FAM184B: variants seen among roughly 807,000 people sequenced by gnomAD.
FAM184B encodes family with sequence similarity 184 member B.
Under a neutral mutation model 135.9 loss-of-function variants are expected in FAM184B, and 111 were observed. The ratio of observed to expected loss-of-function variants is 0.82; its 90% CI spans 0.70 to 0.96. The LOEUF is 0.96. Ranked by LOEUF, FAM184B falls within the 40% of genes least tolerant of loss-of-function variation. The pLI is 0.00. For synonymous variants in FAM184B, 552 were observed against 524.8 expected (o/e 1.05, Z -0.71); for missense variants, 1,375 against 1,323.9 (o/e 1.04, Z -0.60).
chr4:17,690,818 G>C (rs570625381), intron 6 of FAM184B, among the ~76,000 whole-genome samples: 9 of 152,204 alleles, frequency 5.9e-5, no homozygotes, highest in Non-Finnish European at 1.0e-4. Context: ...GGACAGAAAG[G>C]CTTAAGGCGT....
intron 7 of FAM184B, among the ~76,000 whole-genome samples, chr4:17,675,199 C>T (rs181725702): frequency 7.0e-4 from 107 of 152,254 alleles, no homozygotes; most frequent in Non-Finnish European, 1.3e-3. Flanking sequence ...AATAATAAGA[C>T]TTCAAAGGAG....
At chr4:17,662,346 T>C (rs1445482543) in intron 8 of FAM184B, among the ~76,000 whole-genome samples, 2 of 24,318 alleles carry the variant, frequency 8.2e-5, no homozygotes, top group African/African-American at 2.0e-4. Flanking sequence ...ATTTTTTTCT[T>C]TTTTTTTTTG....
At chr4:17,716,356 G>GTTTT (rs1260846279) in intron 1 of FAM184B, among the ~76,000 whole-genome samples, 1 of 151,878 alleles carries the variant, frequency 6.6e-6, no homozygotes, top group Non-Finnish European at 1.5e-5. Flanking sequence ...TTGTTTGTTT[G>GTTTT]TTTTTTGAGA....
chr4:17,710,014 C>T (rs1220440155), intron 1 of FAM184B, among the ~76,000 whole-genome samples: 1 of 152,070 alleles, frequency 6.6e-6, no homozygotes, highest in Non-Finnish European at 1.5e-5. Flanking sequence ...ATGCAAATCC[C>T]GGAACAAAAC....
chr4:17,770,756 G>A lies in FAM184B; in HGVS notation c.141+10403C>T, dbSNP rs563854053. Among the ~76,000 whole-genome samples, 3 of 152,190 alleles carry A rather than the reference G, an allele frequency of 2.0e-5. No individual in the cohort carries two copies. The South Asian group carries it at 6.2e-4, about 32-fold the overall frequency. On this transcript the variant is annotated intron_variant, in intron 1 of 17. Transcript: ENST00000265018. Reference sequence around the variant, plus strand: ...GCTGGGATTACAGGCGTGAGCCACCGCGCCCGGCCAGAACTAGATTTTAAC... The same window carrying A: ...GCTGGGATTACAGGCGTGAGCCACCACGCCCGGCCAGAACTAGATTTTAAC...
chr4:17,686,231 A>G (rs1483511638), intron 7 of FAM184B, among the ~76,000 whole-genome samples: 1 of 152,204 alleles, frequency 6.6e-6, no homozygotes, highest in Non-Finnish European at 1.5e-5. Flanking sequence ...AAACTGAGGG[A>G]GAATGAAAAT....
intron 14 of FAM184B, among the ~76,000 whole-genome samples, chr4:17,637,502 T>C (rs958052084): frequency 6.6e-6 from 1 of 152,186 alleles, no homozygotes; most frequent in Non-Finnish European, 1.5e-5. Context: ...TGGGCATCAT[T>C]TCACCTGTGT....
intron 6 of FAM184B, among the ~76,000 whole-genome samples, chr4:17,691,120 A>G (rs1716721962): frequency 6.6e-6 from 1 of 152,146 alleles, no homozygotes; most frequent in African/African-American, 2.4e-5. Context: ...AACATACCAT[A>G]CTAGAGGCAG....
At chr4:17,671,509 G>A (rs1360636317) in intron 7 of FAM184B, among the ~76,000 whole-genome samples, 1 of 152,098 alleles carries the variant, frequency 6.6e-6, no homozygotes, top group African/African-American at 2.4e-5. Context: ...TACCTGGCCA[G>A]GCTCATTAAT....
At chr4:17,678,277 G>A (rs942163441) in intron 7 of FAM184B, among the ~76,000 whole-genome samples, 1 of 152,100 alleles carries the variant, frequency 6.6e-6, no homozygotes, top group Non-Finnish European at 1.5e-5. Flanking sequence ...AAACCCTAAA[G>A]ACTCCTCCAA....
chr4:17,716,824 T>C (rs182444956), intron 1 of FAM184B, among the ~76,000 whole-genome samples: 4 of 152,196 alleles, frequency 2.6e-5, no homozygotes, highest in Non-Finnish European at 4.4e-5. Flanking sequence ...TTATTTTATT[T>C]TATTCTATTC....
intron 13 of FAM184B, among the ~76,000 whole-genome samples, chr4:17,640,698 A>C (rs1329560303): frequency 6.6e-6 from 1 of 152,140 alleles, no homozygotes; most frequent in African/African-American, 2.4e-5. Flanking sequence ...AAAGATACAA[A>C]CTGCTAAAGC....
intron 1 of FAM184B, among the ~76,000 whole-genome samples, chr4:17,734,336 C>T (rs992625933): frequency 6.6e-6 from 1 of 152,120 alleles, no homozygotes; most frequent in Non-Finnish European, 1.5e-5. Flanking sequence ...CAAGTGGGAT[C>T]TAATTAAACT....
intron 12 of FAM184B, among the ~76,000 whole-genome samples, chr4:17,645,839 G>A (rs921311302): frequency 6.6e-6 from 1 of 152,038 alleles, no homozygotes; most frequent in Non-Finnish European, 1.5e-5. Flanking sequence ...CTGACAAAGG[G>A]CTAATATCCA....
At chr4:17,679,871 TG>T (rs1365294285) in intron 7 of FAM184B, among the ~76,000 whole-genome samples, 2 of 152,194 alleles carry the variant, frequency 1.3e-5, no homozygotes, top group East Asian at 3.8e-4. Flanking sequence ...TAATGGCATT[TG>T]CAGCAACTTG....
intron 1 of FAM184B, among the ~76,000 whole-genome samples, chr4:17,743,016 G>A (rs190226358): frequency 1.3e-5 from 2 of 152,236 alleles, no homozygotes; most frequent in East Asian, 1.9e-4. Context: ...AGGAGTGGCC[G>A]GCCATTCCAG....
chr4:17,651,537 CAAAAAAAAAAAAAAAA>C (rs751455835), intron 11 of FAM184B, among the ~76,000 whole-genome samples: 4 of 43,110 alleles, frequency 9.3e-5, no homozygotes, highest in Admixed American at 3.9e-4. Flanking sequence ...GACTCTGTCT[CAAAAAAAAAAAAAAAA>C]AAAAAAAAAA....
chr4:17,726,597 C>T (rs1717643350), intron 1 of FAM184B, among the ~76,000 whole-genome samples: 1 of 152,276 alleles, frequency 6.6e-6, no homozygotes, highest in East Asian at 1.9e-4. Flanking sequence ...GTCTCAAACT[C>T]CTGACCTCAG....
intron 1 of FAM184B, among the ~76,000 whole-genome samples, chr4:17,725,949 A>G (rs1717630099): frequency 6.6e-6 from 1 of 150,746 alleles, no homozygotes; most frequent in South Asian, 2.1e-4. Context: ...TTTGTGACAG[A>G]GTCTTGCTCT....
Sources: gnomAD v4.1 joint callset for allele counts (sites outside exome capture counted in the v4.1 genomes callset) on GRCh38, gnomAD v4.1.1 for gene constraint, MANE v1.5 for transcripts, NCBI Gene and HGNC (gene_info 2026-07-23, HGNC 2026-07-21) for gene names.